The following CACNB4 variants were observed in gnomAD, a reference collection of about 807,000 sequenced individuals.
CACNB4 encodes calcium voltage-gated channel auxiliary subunit beta 4, also known as voltage-dependent L-type calcium channel subunit beta-4.
CACNB4 carries 32 observed loss-of-function variants against 71.2 expected under a neutral mutation model. That is an observed-to-expected ratio of 0.45 (90% CI 0.34 to 0.60). The LOEUF (loss-of-function observed/expected upper bound fraction) is 0.60. CACNB4 is among the 20% of genes least tolerant of loss of function. CACNB4 has a pLI of 0.01. For missense variants in CACNB4, 464 were observed against 647.9 expected (o/e 0.72, Z 3.08); for synonymous variants, 231 against 236.9 (o/e 0.97, Z 0.23).
At chr2:151,985,216 T>C (rs2151754859) in intron 2 of CACNB4, among the ~76,000 whole-genome samples, 1 of 152,330 alleles carries the variant, frequency 6.6e-6, no homozygotes, top group East Asian at 1.9e-4. Context: ...TTTCTATCTT[T>C]GTAGGCATTT....
At chr2:151,905,377 C>T (rs935781415) in intron 2 of CACNB4, among the ~76,000 whole-genome samples, 8 of 152,140 alleles carry the variant, frequency 5.3e-5, no homozygotes, top group African/African-American at 9.7e-5. Flanking sequence ...CACATCTTCC[C>T]GATGTGCACT....
At chr2:151,993,989 T>C (rs1681884885) in intron 2 of CACNB4, among the ~76,000 whole-genome samples, 1 of 151,598 alleles carries the variant, frequency 6.6e-6, no homozygotes. Flanking sequence ...CTGGATAACA[T>C]GGCAAGACCC....
At chr2:152,097,736 G>T (rs2105498902) in intron 2 of CACNB4, among the ~76,000 whole-genome samples, 1 of 152,280 alleles carries the variant, frequency 6.6e-6, no homozygotes, top group South Asian at 2.1e-4. Context: ...GGAGCTGAGT[G>T]CTGGCCTTCG....
At chr2:152,076,724 T>C (rs960513274) in intron 2 of CACNB4, among the ~76,000 whole-genome samples, 1 of 2,002 alleles carries the variant, frequency 5.0e-4, no homozygotes, top group Non-Finnish European at 0.015. Flanking sequence ...ACCCAGATAC[T>C]GATCTCAAAA....
intron 4 of CACNB4, among the ~76,000 whole-genome samples, chr2:151,876,865 CTATACTATAT>C (rs1036113390): frequency 1.9e-5 from 2 of 103,498 alleles, no homozygotes; most frequent in African/African-American, 6.5e-5. Flanking sequence ...ATCTATATAT[CTATACTATAT>C]TATACTATAC....
chr2:151,957,916 C>T (rs573145229), intron 2 of CACNB4, among the ~76,000 whole-genome samples: 31 of 152,106 alleles, frequency 2.0e-4, no homozygotes, highest in African/African-American at 7.5e-4. Flanking sequence ...AATAGGTATT[C>T]TTTAGGGAAA....
At chr2:151,874,587 C>A (rs968509521) in intron 5 of CACNB4, among the ~76,000 whole-genome samples, 4 of 151,984 alleles carry the variant, frequency 2.6e-5, no homozygotes, top group African/African-American at 9.7e-5. Flanking sequence ...AGTGGGGTAA[C>A]TATACTTTTG....
At chr2:151,918,192 T>A (rs1278401854) in intron 2 of CACNB4, among the ~76,000 whole-genome samples, 2 of 152,234 alleles carry the variant, frequency 1.3e-5, no homozygotes, top group Non-Finnish European at 2.9e-5. Flanking sequence ...CCACAAAGCA[T>A]ATATTAATAT....
At position 151,901,923 on chromosome 2, in the gene CACNB4, AG is replaced by A. The variant is rs2099853530; in HGVS notation, c.148-18554del. On this transcript the variant is annotated intron_variant, in intron 2 of 13. Coordinates refer to ENST00000539935, the MANE Select transcript of CACNB4 (RefSeq NM_000726.5). The stretch of plus-strand genomic sequence containing the variant: ...CTATCACCTTGCAGAACAAACTGCC[AG>A]AAAAATAAGTCTTTTTGAGTTATTG... Among the ~76,000 whole-genome samples, 7 of 152,248 alleles carry A rather than the reference AG, an allele frequency of 4.6e-5. No homozygotes were observed. In the South Asian group the frequency reaches 1.4e-3, roughly 32 times the overall value.
intron 2 of CACNB4, among the ~76,000 whole-genome samples, chr2:152,086,692 T>C (rs908123248): frequency 3.9e-5 from 6 of 152,236 alleles, no homozygotes; most frequent in South Asian, 2.1e-4. Flanking sequence ...TTGAAAACGA[T>C]GACAATAACC....
chr2:151,848,513 A>C (rs2099838190), intron 12 of CACNB4, among the ~76,000 whole-genome samples: 1 of 152,218 alleles, frequency 6.6e-6, no homozygotes, highest in Non-Finnish European at 1.5e-5. Flanking sequence ...AATATGATCA[A>C]GGATAACTGG....
chr2:152,021,720 G>C (rs1283509901), intron 2 of CACNB4, among the ~76,000 whole-genome samples: 6 of 152,096 alleles, frequency 3.9e-5, no homozygotes, highest in Non-Finnish European at 5.9e-5. Flanking sequence ...TCACAGAATT[G>C]GAGACAACTC....
At chr2:152,000,313 G>T (rs1293467708) in intron 2 of CACNB4, among the ~76,000 whole-genome samples, 1 of 152,156 alleles carries the variant, frequency 6.6e-6, no homozygotes. Flanking sequence ...GACTACCTGG[G>T]TCCCAATCTC....
rs528591933 is a variant in CACNB4 at position 151,907,939 on chromosome 2, G to C, written c.148-24569C>G. Among the ~76,000 whole-genome samples, 17 of 152,326 alleles carry C rather than the reference G, an allele frequency of 1.1e-4. No homozygotes were observed. In the South Asian group the frequency reaches 1.7e-3, roughly 15 times the overall value. ...AGATCATTGCAAAGATAACAACCAG[G>C]AATAAAAAGCATCCTGAGTTGGTGT... On this transcript the variant is annotated intron_variant, in intron 2 of 13. Coordinates refer to ENST00000539935, the MANE Select transcript of CACNB4 (RefSeq NM_000726.5).
At chr2:151,915,173 C>A (rs149300538) in intron 2 of CACNB4, among the ~76,000 whole-genome samples, 53 of 152,240 alleles carry the variant, frequency 3.5e-4, no homozygotes, top group Middle Eastern at 3.4e-3. Flanking sequence ...AAGCCTCTGG[C>A]TGAAGTTATT....
chr2:152,003,064 A>G (rs1160944191), intron 2 of CACNB4, among the ~76,000 whole-genome samples: 1 of 152,212 alleles, frequency 6.6e-6, no homozygotes, highest in African/African-American at 2.4e-5. Context: ...GGCCCATGGA[A>G]AATATAAAGT....
intron 2 of CACNB4, among the ~76,000 whole-genome samples, chr2:152,004,007 T>A (rs1682578434): frequency 1.3e-5 from 2 of 152,006 alleles, no homozygotes; most frequent in African/African-American, 4.8e-5. Context: ...CCATGTCTGG[T>A]GACAGGATCT....
intron 2 of CACNB4, among the ~76,000 whole-genome samples, chr2:151,957,257 C>CGTGTATGTGTGT (rs3068823): frequency 0.15 from 20,364 of 131,588 alleles, 2,229 homozygotes; most frequent in Middle Eastern, 0.28. Context: ...AGTGGCTGGG[C>CGTGTATGTGTGT]GTGTGTGTGT....
At chr2:151,976,100 A>G (rs2099873741) in intron 2 of CACNB4, among the ~76,000 whole-genome samples, 1 of 152,220 alleles carries the variant, frequency 6.6e-6, no homozygotes, top group African/African-American at 2.4e-5. Flanking sequence ...GAGTCTGACC[A>G]GGGAGGGATG....
Sources: allele counts gnomAD v4.1 joint callset (sites outside exome capture counted in the v4.1 genomes callset), GRCh38; gene constraint gnomAD v4.1.1; transcripts MANE v1.5; gene names NCBI Gene and HGNC (gene_info 2026-07-23, HGNC 2026-07-21).